Variants in ENTPD1 observed in about 807,000 individuals in gnomAD.
ENTPD1 encodes ATP diphosphohydrolase.
Under a neutral mutation model 57.0 loss-of-function variants are expected in ENTPD1, and 33 were observed. The observed-to-expected ratio is 0.58, with a 90% CI of 0.44 to 0.77. ENTPD1 has a LOEUF of 0.77. Ranked by LOEUF, ENTPD1 falls within the 30% of genes least tolerant of loss-of-function variation. The probability of loss-of-function intolerance (pLI) is 0.00; values close to 1 mark genes in which losing one functional copy is unlikely to be tolerated. For missense variants in ENTPD1, 501 were observed against 603.4 expected (o/e 0.83, Z 1.78); for synonymous variants, 202 against 218.8 (o/e 0.92, Z 0.68).
At chr10:95,851,142 TAAGA>T (rs1301976010) in intron 7 of ENTPD1, among the ~76,000 whole-genome samples, 2 of 151,974 alleles carry the variant, frequency 1.3e-5, no homozygotes, top group African/African-American at 4.8e-5. Context: ...TTTATATAAA[TAAGA>T]AAGGGAAGAA....
intron 3 of ENTPD1, among the ~76,000 whole-genome samples, chr10:95,840,218 C>A (rs558299833): frequency 1.3e-5 from 2 of 152,322 alleles, no homozygotes; most frequent in South Asian, 4.1e-4. Flanking sequence ...GATGGAGCTG[C>A]GGTTCAAACC....
chr10:95,843,997 G>A (rs1228557810), intron 4 of ENTPD1, among the ~76,000 whole-genome samples: 1 of 152,156 alleles, frequency 6.6e-6, no homozygotes, highest in Admixed American at 6.5e-5. Flanking sequence ...AGAGGAGATT[G>A]GATATCTATT....
In ENTPD1 at chr10:95,870,811, G is replaced by C; in HGVS notation, c.*4428G>C. ...TTACTAACCATGTTTCTTTCCATTT[G>C]TATTAGGTCCTTTACTTTTTATAAC... On this transcript the variant is annotated 3_prime_UTR_variant, in exon 10 of 10. Coordinates refer to ENST00000371205, the MANE Select transcript of ENTPD1 (RefSeq NM_001776.6). 9 of 985,324 alleles carry C rather than the reference G, an allele frequency of 9.1e-6. No individual in the cohort carries two copies. Among genetic ancestry groups the C allele is most frequent in the Non-Finnish European group, 9.6e-6 (8 of 829,904 alleles). 61.0% of individuals were successfully genotyped at this position (985,324 alleles called of 1,614,324 possible).
intron 7 of ENTPD1, among the ~76,000 whole-genome samples, chr10:95,850,395 A>G (rs1018134039): frequency 1.3e-5 from 2 of 151,964 alleles, no homozygotes; most frequent in Non-Finnish European, 2.9e-5. Flanking sequence ...TAAGACCTAA[A>G]GTTTTTTTGT....
At chr10:95,766,554 C>T (rs1056838041) in intron 1 of ENTPD1, among the ~76,000 whole-genome samples, 2 of 152,142 alleles carry the variant, frequency 1.3e-5, no homozygotes, top group African/African-American at 4.8e-5. Context: ...TATGTTTTTG[C>T]AGTTCATATT....
At position 95,871,415 on chromosome 10, in the gene ENTPD1, A is replaced by C. The variant is rs34630379; in HGVS notation, c.*5032A>C. On this transcript the variant is annotated 3_prime_UTR_variant, in exon 10 of 10. Transcript: ENST00000371205. ...GTGGCAGCTCCCACATTAGCCTCGC[A>C]TTCTAAACTGGTAGATGTCCTAGGA... The C allele has an allele frequency of 0.11, 104,137 of 985,378 alleles. 5,701 individuals carry two copies. The highest frequency in any genetic ancestry group is 0.15 in the Middle Eastern group (287 of 1,914). The allele number at this position is 985,378 out of a possible 1,614,324, so 61.0% of individuals were successfully genotyped here.
At chr10:95,756,416 T>G in intron 1 of ENTPD1, 161 bp downstream of exon 1, 1 of 855,680 alleles carries the variant, frequency 1.2e-6, no homozygotes, top group Non-Finnish European at 1.8e-6. Flanking sequence ...GAAAGAGCTT[T>G]GGGAAACTTT....
At chr10:95,813,205 T>C (rs11188497) in intron 1 of ENTPD1, among the ~76,000 whole-genome samples, 82,015 of 152,014 alleles carry the variant, frequency 0.54, 22,553 homozygotes, top group Admixed American at 0.63. Flanking sequence ...CAGAAACATA[T>C]CTGGAGGGAG....
chr10:95,875,100 C>A lies in ENTPD1; in HGVS notation c.*8717C>A, dbSNP rs899414534. On this transcript the variant is annotated 3_prime_UTR_variant, in exon 10 of 10. Transcript: ENST00000371205. ...TTGGGGATTAACATTAGGCTCCTTG[C>A]TGCTTATGCAAATTTCTGCAGCCAG... The A allele has an allele frequency of 1.3e-5, 2 of 152,208 alleles. No homozygotes were observed. Among genetic ancestry groups the A allele is most frequent in the African/African-American group, 4.8e-5 (2 of 41,438 alleles). 9.4% of individuals were successfully genotyped at this position (152,208 alleles called of 1,614,324 possible).
intron 1 of ENTPD1, among the ~76,000 whole-genome samples, chr10:95,728,762 G>T (rs2139844634): frequency 6.6e-6 from 1 of 152,244 alleles, no homozygotes. Context: ...GCAACAGAAG[G>T]TAGCTATGAA....
chr10:95,703,533 G>A, the ENTPD1 span, among the ~76,000 whole-genome samples: 2 of 152,144 alleles, frequency 1.3e-5, no homozygotes, highest in Non-Finnish European at 2.9e-5. Context: ...TGTAATCCAA[G>A]CACTTTGGGA....
At chr10:95,773,039 A>C (rs1257153183) in intron 1 of ENTPD1, among the ~76,000 whole-genome samples, 2 of 151,912 alleles carry the variant, frequency 1.3e-5, no homozygotes, top group Non-Finnish European at 2.9e-5. Context: ...GGGGAGCCAG[A>C]GTGTGCAGAG....
chr10:95,786,038 T>C (rs1043897680), intron 1 of ENTPD1, among the ~76,000 whole-genome samples: 1 of 152,156 alleles, frequency 6.6e-6, no homozygotes, highest in African/African-American at 2.4e-5. Flanking sequence ...TTGGTAAAAC[T>C]GGATGCAGGT....
rs2098477472 is a variant in ENTPD1, at chr10:95,869,077, G to A, written c.*2694G>A. The A allele has an allele frequency of 2.0e-6, 2 of 984,992 alleles. No homozygotes were observed. The highest frequency in any genetic ancestry group is 1.1e-4 in the East Asian group (1 of 8,812). The allele number at this position is 984,992 out of a possible 1,614,324, so 61.0% of individuals were successfully genotyped here. ...AATTTTAATATTGGATTGGCCATTG[G>A]TTATCACTGATTACCATTCTCCCCT... On this transcript the variant is annotated 3_prime_UTR_variant, in exon 10 of 10. Coordinates refer to ENST00000371205, the MANE Select transcript of ENTPD1 (RefSeq NM_001776.6).
chr10:95,871,931 G>C lies in ENTPD1; in HGVS notation c.*5548G>C. 1.0e-6 allele frequency: 1 copy of C among 985,418 alleles called. No individual in the cohort carries two copies. The highest frequency in any genetic ancestry group is 1.2e-6 in the Non-Finnish European group (1 of 829,932). The allele number at this position is 985,418 out of a possible 1,614,324, so 61.0% of individuals were successfully genotyped here. ...AGTCTTGGGAGCTAGTCAGGGAATA[G>C]TGTGTATTTGCAATTACCTAAACTG... On this transcript the variant is annotated 3_prime_UTR_variant, in exon 10 of 10. Transcript: ENST00000371205.
chr10:95,842,284 G>A, intron 3 of ENTPD1, 60 bp from the exon 4 acceptor site: 1 of 1,469,800 alleles, frequency 6.8e-7, no homozygotes, highest in Non-Finnish European at 9.5e-7. Context: ...ATCTACTATT[G>A]TCAAGGTATG....
chr10:95,721,687 GAAA>G (rs34429102), intron 1 of ENTPD1, among the ~76,000 whole-genome samples: 1 of 147,454 alleles, frequency 6.8e-6, no homozygotes. Flanking sequence ...TTTCCTATCT[GAAA>G]AAAAAAAAAC....
At chr10:95,830,695 C>T (rs983041988) in intron 2 of ENTPD1, among the ~76,000 whole-genome samples, 4 of 151,812 alleles carry the variant, frequency 2.6e-5, no homozygotes, top group African/African-American at 9.7e-5. Flanking sequence ...CCCAGCTACT[C>T]GGGAGGCTGA....
Position 95,712,186 on chromosome 10 carries a change from G to C in ENTPD1, c.37+193G>C, listed in dbSNP as rs115544263. ...TTTGGTATGAATATTCACATTGTTC[G>C]GTCCCTTTCCTTCCAGAAATAGTCT... On this transcript the variant is annotated intron_variant, in intron 1 of 9. Transcript: ENST00000453258. Among the ~76,000 whole-genome samples, 415 of 152,192 alleles carry C rather than the reference G, an allele frequency of 2.7e-3. 3 individuals carry two copies. Among genetic ancestry groups the C allele is most frequent in the African/African-American group, 9.6e-3 (399 of 41,512 alleles).
Sources: allele counts gnomAD v4.1 joint callset (sites outside exome capture counted in the v4.1 genomes callset), GRCh38; gene constraint gnomAD v4.1.1; transcripts MANE v1.5; gene names NCBI Gene and HGNC (gene_info 2026-07-23, HGNC 2026-07-21).